The following GALNT13 variants were observed in gnomAD, a reference collection of about 807,000 sequenced individuals.
GALNT13 encodes polypeptide N-acetylgalactosaminyltransferase 13.
In GALNT13, 28 loss-of-function variants were observed where a neutral mutation model predicts 64.2. That is an observed-to-expected ratio of 0.44 (90% confidence interval 0.32 to 0.60). GALNT13 has a LOEUF of 0.60. GALNT13 is among the 20% of genes least tolerant of loss of function. The pLI, the probability that GALNT13 is intolerant of heterozygous loss-of-function variation, is 0.05. For missense variants in GALNT13, 577 were observed against 669.8 expected (o/e 0.86, Z 1.53); for synonymous variants, 214 against 224.6 (o/e 0.95, Z 0.42).
At chr2:153,809,008 T>G in the GALNT13 span, among the ~76,000 whole-genome samples, 1 of 152,216 alleles carries the variant, frequency 6.6e-6, no homozygotes, top group Non-Finnish European at 1.5e-5. Flanking sequence ...ACTAATCTTT[T>G]GTGGGCACTC....
the GALNT13 span, among the ~76,000 whole-genome samples, chr2:153,396,761 CAG>C: frequency 6.6e-6 from 1 of 152,092 alleles, no homozygotes; most frequent in African/African-American, 2.4e-5. Context: ...GCAATTTTCA[CAG>C]AAAGTCTGGA....
intron 9 of GALNT13, among the ~76,000 whole-genome samples, chr2:154,378,727 A>C (rs1216941813): frequency 6.6e-6 from 1 of 152,040 alleles, no homozygotes; most frequent in Non-Finnish European, 1.5e-5. Flanking sequence ...TAAATTTCAC[A>C]TATGAGTGAG....
the GALNT13 span, among the ~76,000 whole-genome samples, chr2:153,348,865 A>G: frequency 1.3e-5 from 2 of 152,234 alleles, no homozygotes; most frequent in Non-Finnish European, 2.9e-5. Context: ...GGTGAGAGCC[A>G]GCATCACAGA....
chr2:153,419,126 T>C, the GALNT13 span, among the ~76,000 whole-genome samples: 1 of 152,174 alleles, frequency 6.6e-6, no homozygotes, highest in Non-Finnish European at 1.5e-5. Context: ...TGACTCACAG[T>C]TCCTCAGGGC....
chr2:154,346,390 G>T (rs962235498), intron 9 of GALNT13, among the ~76,000 whole-genome samples: 1 of 152,012 alleles, frequency 6.6e-6, no homozygotes, highest in African/African-American at 2.4e-5. Flanking sequence ...GTTTGGCTGT[G>T]TCCCTACCCA....
the GALNT13 span, among the ~76,000 whole-genome samples, chr2:153,770,162 AC>A: frequency 1.1e-4 from 5 of 47,580 alleles, no homozygotes; most frequent in African/African-American, 1.6e-4. Flanking sequence ...TAGAGTTCCC[AC>A]CCCCCCGCCC....
At chr2:153,630,964 C>T in the GALNT13 span, among the ~76,000 whole-genome samples, 14 of 150,892 alleles carry the variant, frequency 9.3e-5, no homozygotes, top group East Asian at 6.0e-4. Context: ...TCCCCACTCC[C>T]GCCACCCCAC....
At chr2:153,376,143 G>C in the GALNT13 span, among the ~76,000 whole-genome samples, 4 of 152,146 alleles carry the variant, frequency 2.6e-5, no homozygotes, top group African/African-American at 7.2e-5. Flanking sequence ...ATTTCAACAA[G>C]AGCTTTGGAA....
chr2:154,043,415 TATATATATA>T (rs1357527672), intron 3 of GALNT13, among the ~76,000 whole-genome samples: 1,270 of 83,610 alleles, frequency 0.015, 57 homozygotes, highest in African/African-American at 0.061. Flanking sequence ...TAAGGACTTT[TATATATATA>T]TATATATATA....
chr2:154,156,194 A>G (rs1373065482), intron 4 of GALNT13, among the ~76,000 whole-genome samples: 5 of 152,032 alleles, frequency 3.3e-5, no homozygotes, highest in African/African-American at 1.2e-4. Flanking sequence ...AGAAATGGAA[A>G]GATCAAATAG....
chr2:153,631,323 C>T, the GALNT13 span, among the ~76,000 whole-genome samples: 1 of 152,090 alleles, frequency 6.6e-6, no homozygotes, highest in African/African-American at 2.4e-5. Context: ...TGGGTATATA[C>T]CCAGTAATGG....
chr2:153,618,661 T>C, the GALNT13 span, among the ~76,000 whole-genome samples: 2 of 151,974 alleles, frequency 1.3e-5, no homozygotes, highest in African/African-American at 2.4e-5. Flanking sequence ...TCTCTCTCTT[T>C]AGCTCTAATG....
chr2:154,025,132 C>CG (rs1236953699), intron 3 of GALNT13, among the ~76,000 whole-genome samples: 1 of 152,112 alleles, frequency 6.6e-6, no homozygotes, highest in African/African-American at 2.4e-5. Context: ...TTAGGCTACT[C>CG]GGGGGTCATG....
At chr2:154,172,508 T>A (rs915074751) in intron 4 of GALNT13, among the ~76,000 whole-genome samples, 1 of 152,056 alleles carries the variant, frequency 6.6e-6, no homozygotes, top group African/African-American at 2.4e-5. Flanking sequence ...ACGTCCATAC[T>A]TTTAGCTCCT....
chr2:153,866,509 A>C, the GALNT13 span, among the ~76,000 whole-genome samples: 2 of 152,164 alleles, frequency 1.3e-5, no homozygotes, highest in Admixed American at 6.5e-5. Flanking sequence ...TAAATTTGCC[A>C]CTGTGTTTGG....
chr2:153,187,160 T>C, the GALNT13 span, among the ~76,000 whole-genome samples: 1 of 152,198 alleles, frequency 6.6e-6, no homozygotes, highest in African/African-American at 2.4e-5. Context: ...ATTTTCAATA[T>C]TAAAAAAATA....
Position 154,378,718 on chromosome 2 carries a change from A to T in GALNT13, c.1157-17273A>T, listed in dbSNP as rs191253722. 4.7e-3 allele frequency among the ~76,000 whole-genome samples: 719 copies of T among 151,966 alleles called. 6 individuals carry two copies. The highest frequency in any genetic ancestry group is 5.2e-3 in the Non-Finnish European group (355 of 67,928). ...TCTGCTTCTATTAAATTTTTTTTTT[A>T]AATTTCACATATGAGTGAGATTAAC... On this transcript the variant is annotated intron_variant, in intron 9 of 12. Transcript: ENST00000392825.
the GALNT13 span, among the ~76,000 whole-genome samples, chr2:153,165,064 A>G: frequency 6.6e-6 from 1 of 152,206 alleles, no homozygotes; most frequent in Non-Finnish European, 1.5e-5. Flanking sequence ...TGACCTGCAT[A>G]TAAGCCTTTT....
At chr2:153,632,928 G>A in the GALNT13 span, among the ~76,000 whole-genome samples, 15 of 151,484 alleles carry the variant, frequency 9.9e-5, no homozygotes, top group African/African-American at 3.4e-4. Flanking sequence ...AATTTTTTTG[G>A]CACTTTTTTT....
Sources: allele counts gnomAD v4.1 joint callset (sites outside exome capture counted in the v4.1 genomes callset), GRCh38; gene constraint gnomAD v4.1.1; transcripts MANE v1.5; gene names NCBI Gene and HGNC (gene_info 2026-07-23, HGNC 2026-07-21).